PID1: variants seen among roughly 807,000 people sequenced by gnomAD.
The protein encoded by PID1 is phosphotyrosine interaction domain containing 1.
In PID1, 10 loss-of-function variants were observed where a neutral mutation model predicts 19.1. That is an observed-to-expected ratio of 0.52 (90% CI 0.32 to 0.89). PID1 has a LOEUF of 0.89. Among genes scored for constraint, PID1 ranks in the 40% least tolerant of loss-of-function variants. PID1 has a pLI of 0.03. For missense variants in PID1, 248 were observed against 285.3 expected, an observed-to-expected ratio of 0.87 and a Z score of 0.94; for synonymous variants, 130 against 116.0, an observed-to-expected ratio of 1.12 and a Z score of -0.78.
intron 1 of PID1, among the ~76,000 whole-genome samples, chr2:229,192,092 G>T (rs2106232276): frequency 6.6e-6 from 1 of 152,060 alleles, no homozygotes; most frequent in Admixed American, 6.6e-5. Flanking sequence ...AAAATAGGGG[G>T]TATAAAAAAG....
At chr2:229,254,843 T>G (rs1459063872) in intron 1 of PID1, among the ~76,000 whole-genome samples, 1 of 152,260 alleles carries the variant, frequency 6.6e-6, no homozygotes, top group East Asian at 1.9e-4. Context: ...TTTCTGAGTT[T>G]GTAGTTTGGC....
At chr2:229,082,429 T>C (rs1175340261) in intron 2 of PID1, among the ~76,000 whole-genome samples, 1 of 152,254 alleles carries the variant, frequency 6.6e-6, no homozygotes, top group East Asian at 1.9e-4. Context: ...GAAAGAGAGT[T>C]GCCAGTGTCA....
At chr2:229,198,472 C>G (rs913470981) in intron 1 of PID1, among the ~76,000 whole-genome samples, 1 of 152,014 alleles carries the variant, frequency 6.6e-6, no homozygotes, top group Non-Finnish European at 1.5e-5. Context: ...TGAGACCTAT[C>G]CTCTGTGATC....
At chr2:229,089,202 G>C (rs1476179897) in intron 2 of PID1, among the ~76,000 whole-genome samples, 1 of 152,058 alleles carries the variant, frequency 6.6e-6, no homozygotes, top group Non-Finnish European at 1.5e-5. Context: ...TCAATAACTC[G>C]CACTTGCTGC....
chr2:229,105,592 G>A (rs868438068), intron 2 of PID1, among the ~76,000 whole-genome samples: 1 of 152,252 alleles, frequency 6.6e-6, no homozygotes, highest in Admixed American at 6.5e-5. Flanking sequence ...TTCCCAAGTC[G>A]CCCTGAACTC....
chr2:229,188,336 A>T (rs1691179392), intron 1 of PID1, among the ~76,000 whole-genome samples: 2 of 152,208 alleles, frequency 1.3e-5, no homozygotes, highest in South Asian at 4.2e-4. Flanking sequence ...AAAAAAAATT[A>T]AAAAAGGAAA....
chr2:229,077,847 A>G (rs1170273075), intron 2 of PID1, among the ~76,000 whole-genome samples: 1 of 152,234 alleles, frequency 6.6e-6, no homozygotes, highest in South Asian at 2.1e-4. Context: ...CTTTTTGCTT[A>G]GGATTGTCTT....
intron 1 of PID1, among the ~76,000 whole-genome samples, chr2:229,172,502 A>G (rs1443439118): frequency 6.6e-6 from 1 of 152,048 alleles, no homozygotes; most frequent in Non-Finnish European, 1.5e-5. Flanking sequence ...CATTGCCCCA[A>G]TCACTTGCTG....
chr2:229,107,503 C>CAA (rs36057425), intron 2 of PID1, among the ~76,000 whole-genome samples: 4 of 119,236 alleles, frequency 3.4e-5, no homozygotes, highest in African/African-American at 6.2e-5. Flanking sequence ...AATATATCAC[C>CAA]AAAAAAAAAA....
chr2:229,079,113 T>C (rs1431027720), intron 2 of PID1, among the ~76,000 whole-genome samples: 2 of 152,184 alleles, frequency 1.3e-5, no homozygotes, highest in Admixed American at 6.5e-5. Context: ...TTAAAAGATA[T>C]ACTTTTCTTT....
chr2:229,214,808 T>C (rs746309741), intron 1 of PID1, among the ~76,000 whole-genome samples: 4 of 152,068 alleles, frequency 2.6e-5, no homozygotes, highest in Non-Finnish European at 4.4e-5. Flanking sequence ...GAAATTTCAA[T>C]GCATTTGTAA....
intron 2 of PID1, among the ~76,000 whole-genome samples, chr2:229,094,875 A>G (rs1318616802): frequency 1.3e-5 from 2 of 152,182 alleles, no homozygotes; most frequent in East Asian, 3.8e-4. Context: ...AAAACAAACA[A>G]AAGAAAAAAA....
chr2:229,082,869 T>A (rs553961807), intron 2 of PID1, among the ~76,000 whole-genome samples: 1 of 151,834 alleles, frequency 6.6e-6, no homozygotes, highest in African/African-American at 2.4e-5. Context: ...TATAGGACTG[T>A]GAGATAACCA....
At chr2:229,160,372 G>A (rs12612597) in intron 1 of PID1, among the ~76,000 whole-genome samples, 64,536 of 123,872 alleles carry the variant, frequency 0.52, 14,832 homozygotes, top group East Asian at 0.88. Flanking sequence ...AAAGAAAAAA[G>A]AAAAGCTAAA....
At chr2:229,165,853 T>C (rs2106205132) in intron 1 of PID1, among the ~76,000 whole-genome samples, 1 of 145,018 alleles carries the variant, frequency 6.9e-6, no homozygotes, top group South Asian at 2.3e-4. Flanking sequence ...TTGTAGACAA[T>C]CCAACAATTC....
rs1484924635 is a variant in PID1 at position 229,249,233 on chromosome 2, C to A, written c.30+21781G>T. 4.0e-5 allele frequency among the ~76,000 whole-genome samples: 6 copies of A among 149,834 alleles called. No individual in the cohort carries two copies. In the East Asian group the frequency reaches 1.2e-3, roughly 29 times the overall value. The stretch of plus-strand genomic sequence containing the variant: ...ATCTTTATTTAAATGTCAAGAAAAT[C>A]CAGAACACATTTCAAAAAAGTTTAA... On this transcript the variant is annotated intron_variant, in intron 1 of 2. Coordinates refer to ENST00000392055, the MANE Select transcript of PID1 (RefSeq NM_001100818.2).
chr2:229,025,535 G>T lies in PID1; in HGVS notation c.*97C>A. On this transcript the variant is annotated 3_prime_UTR_variant, in exon 3 of 3. Transcript: ENST00000392055. ...AAAAACCTTGGTCAGCCAATAGTTT[G>T]GCAGTCTTTTCATCCCAAATTTGAA... The T allele has an allele frequency of 1.2e-6, 1 of 852,724 alleles. No individual in the cohort carries two copies. Among genetic ancestry groups the T allele is most frequent in the Non-Finnish European group, 1.9e-6 (1 of 526,110 alleles). 52.8% of individuals were successfully genotyped at this position (852,724 alleles called of 1,614,324 possible).
rs143658580 is a variant in PID1 at position 229,035,244 on chromosome 2, G to C, written c.178-9136C>G. 5.3e-5 allele frequency among the ~76,000 whole-genome samples: 8 copies of C among 152,188 alleles called. No homozygotes were observed. In the East Asian group the frequency reaches 1.2e-3, roughly 22 times the overall value. ...AATGTAGGTAGGTCTCATCCAATAA[G>C]GTTAAGACCTTAGTAGAGAGAACAG... On this transcript the variant is annotated intron_variant, in intron 2 of 2. Transcript: ENST00000392055.
At chr2:229,048,339 C>T (rs114185368) in intron 2 of PID1, among the ~76,000 whole-genome samples, 1 of 152,284 alleles carries the variant, frequency 6.6e-6, no homozygotes, top group Non-Finnish European at 1.5e-5. Flanking sequence ...CTGCAGCCCT[C>T]ACTCCCTAAA....
Sources: allele counts gnomAD v4.1 joint callset (sites outside exome capture counted in the v4.1 genomes callset), GRCh38; gene constraint gnomAD v4.1.1; transcripts MANE v1.5; gene names NCBI Gene and HGNC (gene_info 2026-07-23, HGNC 2026-07-21).